Variants in TMEM135 observed in about 807,000 individuals in gnomAD.
The protein encoded by TMEM135 is peroxisomal membrane protein 52.
TMEM135 carries 30 observed loss-of-function variants against 60.3 expected under a neutral mutation model. The ratio of observed to expected loss-of-function variants is 0.50; its 90% CI spans 0.37 to 0.68. The LOEUF (loss-of-function observed/expected upper bound fraction) is 0.68. Ranked by LOEUF, TMEM135 falls within the 30% of genes least tolerant of loss-of-function variation. TMEM135 has a pLI of 0.00. For synonymous variants in TMEM135, 190 were observed against 186.7 expected (o/e 1.02, Z -0.14); for missense variants, 468 against 548.8 (o/e 0.85, Z 1.47).
chr11:87,059,941 C>CT (rs201015189), intron 1 of TMEM135, among the ~76,000 whole-genome samples: 1,681 of 152,250 alleles, frequency 0.011, 36 homozygotes, highest in African/African-American at 0.038. Context: ...TGGTGAAAAT[C>CT]TGTCTCTACT....
intron 5 of TMEM135, among the ~76,000 whole-genome samples, chr11:87,224,253 T>TA (rs202227914): frequency 6.6e-6 from 1 of 152,190 alleles, no homozygotes; most frequent in East Asian, 1.9e-4. Flanking sequence ...AATATACACT[T>TA]AAAAAAATGT....
chr11:87,169,059 C>G (rs540064532), intron 5 of TMEM135, among the ~76,000 whole-genome samples: 7 of 151,802 alleles, frequency 4.6e-5, no homozygotes, highest in Non-Finnish European at 8.8e-5. Context: ...ATGTAATGCC[C>G]TTCTTTGTCT....
At chr11:87,315,945 G>T (rs980731480) in intron 12 of TMEM135, among the ~76,000 whole-genome samples, 1 of 151,950 alleles carries the variant, frequency 6.6e-6, no homozygotes, top group Non-Finnish European at 1.5e-5. Context: ...CATTATCTTT[G>T]ATAGCTTTCT....
At position 87,061,860 on chromosome 11, in the gene TMEM135, A is replaced by G. The variant is rs907258080; in HGVS notation, c.142-5834A>G. On this transcript the variant is annotated intron_variant, in intron 1 of 14. Transcript: ENST00000305494. ...ACTTCTAAATTGGGGGCCTGACCTT[A>G]TAATTTTGTATCACTCTTCAGTCTG... Among the ~76,000 whole-genome samples, 3 of 152,216 alleles carry G rather than the reference A, an allele frequency of 2.0e-5. 1 individual carries two copies. In the East Asian group the frequency reaches 5.8e-4, roughly 29 times the overall value.
intron 4 of TMEM135, among the ~76,000 whole-genome samples, chr11:87,136,543 A>C (rs1938106138): frequency 6.6e-6 from 1 of 152,056 alleles, no homozygotes; most frequent in Non-Finnish European, 1.5e-5. Flanking sequence ...CTTTCTTTTC[A>C]AATTCCTAGG....
intron 3 of TMEM135, among the ~76,000 whole-genome samples, chr11:87,090,958 A>C (rs2445566): frequency 0.55 from 83,131 of 151,864 alleles, 23,545 homozygotes; most frequent in East Asian, 0.71. Flanking sequence ...TTTTTTCATA[A>C]ATTTTTATTT....
chr11:87,126,215 T>C (rs909275784), intron 4 of TMEM135, among the ~76,000 whole-genome samples: 2 of 152,166 alleles, frequency 1.3e-5, no homozygotes, highest in Non-Finnish European at 2.9e-5. Context: ...TAAATCTTTA[T>C]TGATCATTTT....
chr11:87,039,723 T>C (rs1177211977), intron 1 of TMEM135, among the ~76,000 whole-genome samples: 1 of 152,200 alleles, frequency 6.6e-6, no homozygotes, highest in Non-Finnish European at 1.5e-5. Flanking sequence ...ATAGAAAAGA[T>C]TGTTCCTGCT....
intron 4 of TMEM135, chr11:87,095,058 C>T (rs754213349): frequency 3.7e-5 from 7 of 191,460 alleles, no homozygotes; most frequent in Non-Finnish European, 6.8e-5. Flanking sequence ...AGCCTTCTTC[C>T]ACAGCAAAAG....
At chr11:87,237,247 G>A (rs1941018495) in intron 6 of TMEM135, among the ~76,000 whole-genome samples, 1 of 151,924 alleles carries the variant, frequency 6.6e-6, no homozygotes, top group South Asian at 2.1e-4. Context: ...CAGTAAGAGG[G>A]ATTTCTGCCA....
chr11:87,046,565 T>C (rs1949798232), intron 1 of TMEM135, among the ~76,000 whole-genome samples: 1 of 152,204 alleles, frequency 6.6e-6, no homozygotes, highest in Non-Finnish European at 1.5e-5. Context: ...TGGGACATAC[T>C]GAGTTTTAAT....
chr11:87,076,841 T>G (rs1856883648), intron 3 of TMEM135, among the ~76,000 whole-genome samples: 2 of 152,208 alleles, frequency 1.3e-5, no homozygotes, highest in East Asian at 3.9e-4. Context: ...GGAGCAAGGC[T>G]TGGAATGGAT....
At chr11:87,105,832 A>G (rs545114109) in intron 4 of TMEM135, among the ~76,000 whole-genome samples, 6 of 152,072 alleles carry the variant, frequency 3.9e-5, no homozygotes, top group African/African-American at 1.4e-4. Context: ...ACTGTTGTCA[A>G]CTATAGTCAC....
chr11:87,259,677 A>C (rs1459859867), intron 6 of TMEM135, among the ~76,000 whole-genome samples: 1 of 152,244 alleles, frequency 6.6e-6, no homozygotes, highest in Non-Finnish European at 1.5e-5. Context: ...AATTCACAGC[A>C]AAACAGAATA....
At chr11:87,150,625 A>G (rs745367004) in intron 4 of TMEM135, among the ~76,000 whole-genome samples, 7 of 152,208 alleles carry the variant, frequency 4.6e-5, no homozygotes, top group Non-Finnish European at 8.8e-5. Flanking sequence ...TTCATAGTTA[A>G]TAATTGCCTC....
intron 4 of TMEM135, among the ~76,000 whole-genome samples, chr11:87,131,720 A>T (rs771671035): frequency 6.6e-6 from 1 of 152,204 alleles, no homozygotes; most frequent in Non-Finnish European, 1.5e-5. Context: ...TACCTATAAA[A>T]TAAAATTAAA....
At chr11:87,114,329 C>CA (rs1030425096) in intron 4 of TMEM135, among the ~76,000 whole-genome samples, 1 of 151,630 alleles carries the variant, frequency 6.6e-6, no homozygotes, top group South Asian at 2.1e-4. Flanking sequence ...TCAGAGGTTT[C>CA]AAAAAAAATG....
At chr11:87,059,234 T>C (rs920552392) in intron 1 of TMEM135, among the ~76,000 whole-genome samples, 1 of 151,250 alleles carries the variant, frequency 6.6e-6, no homozygotes, top group African/African-American at 2.4e-5. Context: ...AGCCGAAAAA[T>C]TTTTAGAAAA....
chr11:87,106,616 AG>A (rs1303418831), intron 4 of TMEM135, among the ~76,000 whole-genome samples: 1 of 152,110 alleles, frequency 6.6e-6, no homozygotes, highest in Non-Finnish European at 1.5e-5. Context: ...ATTTTTTGGA[AG>A]AGTTTGAGAA....
Sources: allele counts gnomAD v4.1 joint callset (sites outside exome capture counted in the v4.1 genomes callset), GRCh38; gene constraint gnomAD v4.1.1; transcripts MANE v1.5; gene names NCBI Gene and HGNC (gene_info 2026-07-23, HGNC 2026-07-21).